HYAL4: variants seen among roughly 807,000 people sequenced by gnomAD.
HYAL4 encodes hyaluronidase 4, also known as hyaluronidase-4.
In HYAL4, 37 loss-of-function variants were observed where a neutral mutation model predicts 35.2. The ratio of observed to expected loss-of-function variants is 1.05; its 90% confidence interval spans 0.81 to 1.38. The LOEUF is 1.38. Among genes scored for constraint, HYAL4 ranks in the 40% most tolerant of loss-of-function variants. The probability of loss-of-function intolerance (pLI) is 0.00; values close to 1 mark genes in which losing one functional copy is unlikely to be tolerated. For missense variants in HYAL4, 572 were observed against 572.4 expected (o/e 1.00, Z 0.01); for synonymous variants, 198 against 203.2 (o/e 0.97, Z 0.22).
chr7:123,852,759 T>C (rs891594950), intron 2 of HYAL4, among the ~76,000 whole-genome samples: 11 of 152,190 alleles, frequency 7.2e-5, no homozygotes, highest in African/African-American at 2.7e-4. Flanking sequence ...AGTAGTTTTT[T>C]CTACTTCTGT....
At chr7:123,770,872 T>A in the HYAL4 span, among the ~76,000 whole-genome samples, 1 of 151,956 alleles carries the variant, frequency 6.6e-6, no homozygotes, top group East Asian at 1.9e-4. Flanking sequence ...TTATAGTCCG[T>A]GAAAGGCAAA....
chr7:123,780,883 A>G, the HYAL4 span, among the ~76,000 whole-genome samples: 3 of 119,752 alleles, frequency 2.5e-5, no homozygotes, highest in Admixed American at 2.7e-4. Flanking sequence ...GCTCCTTAAG[A>G]GTCATCACCA....
chr7:123,874,784 A>C lies in HYAL4; in HGVS notation c.978A>C (p.Gly326=). 1 of 1,606,150 alleles carries C rather than the reference A, an allele frequency of 6.2e-7. No homozygotes were observed. Among genetic ancestry groups the C allele is most frequent in the Non-Finnish European group, 8.5e-7 (1 of 1,172,658 alleles). ...AGCAAGATCTAGTCAGCACCATAGG[A>C]GAAAGTGCTGCCTTGGGAGCTGCAG... ...LSKQDLVSTI[G]ESAALGAAGI... Residue 326 remains glycine, a synonymous_variant, in exon 4 of 5, where the codon GGA becomes GGC. Transcript: ENST00000223026.
At chr7:123,831,559 T>C (rs906676727) in intron 1 of HYAL4, among the ~76,000 whole-genome samples, 6 of 152,228 alleles carry the variant, frequency 3.9e-5, no homozygotes, top group Non-Finnish European at 5.9e-5. Context: ...GTTTCTATTG[T>C]TATACATTTT....
At chr7:123,765,152 G>A in the HYAL4 span, among the ~76,000 whole-genome samples, 1 of 152,048 alleles carries the variant, frequency 6.6e-6, no homozygotes, top group East Asian at 1.9e-4. Flanking sequence ...TATATTTCTG[G>A]AAGTTTTTGC....
chr7:123,828,111 A>C (rs1294031650), upstream of HYAL4, among the ~76,000 whole-genome samples: 1 of 152,166 alleles, frequency 6.6e-6, no homozygotes, highest in Admixed American at 6.6e-5. Context: ...TGAAATACCC[A>C]ATGGTAGACT....
the HYAL4 span, among the ~76,000 whole-genome samples, chr7:123,763,710 A>G: frequency 6.6e-6 from 1 of 152,230 alleles, no homozygotes; most frequent in Non-Finnish European, 1.5e-5. Flanking sequence ...GGCTGCGAGG[A>G]CTGCCAGCAT....
At chr7:123,770,440 TAA>T in the HYAL4 span, among the ~76,000 whole-genome samples, 69 of 118,344 alleles carry the variant, frequency 5.8e-4, no homozygotes, top group Admixed American at 5.2e-4. Context: ...AGACTCCATC[TAA>T]AAAAAAAAAA....
the HYAL4 span, among the ~76,000 whole-genome samples, chr7:123,807,433 T>C: frequency 1.0e-5 from 1 of 99,390 alleles, no homozygotes; most frequent in East Asian, 2.6e-4. Flanking sequence ...CTTTTTATGG[T>C]TTTTTTTTTT....
upstream of HYAL4, among the ~76,000 whole-genome samples, chr7:123,828,567 C>T (rs1341858699): frequency 6.6e-6 from 1 of 151,752 alleles, no homozygotes; most frequent in Non-Finnish European, 1.5e-5. Flanking sequence ...AAAATCTGAC[C>T]TAATGTTAAA....
chr7:123,828,976 A>G (rs1308561408), upstream of HYAL4: 1 of 152,650 alleles, frequency 6.6e-6, no homozygotes, highest in Non-Finnish European at 1.5e-5. Context: ...TTATCTGTGC[A>G]GCAATCTATC....
the HYAL4 span, among the ~76,000 whole-genome samples, chr7:123,786,986 T>C: frequency 6.6e-6 from 1 of 151,214 alleles, no homozygotes; most frequent in African/African-American, 2.4e-5. Context: ...AGGGCACCTG[T>C]AATCACCGCT....
chr7:123,804,288 A>G, the HYAL4 span, among the ~76,000 whole-genome samples: 16 of 152,276 alleles, frequency 1.1e-4, no homozygotes, highest in Non-Finnish European at 2.1e-4. Flanking sequence ...CACAGGTGTA[A>G]TAATACTACA....
the HYAL4 span, among the ~76,000 whole-genome samples, chr7:123,782,846 A>G: frequency 1.3e-5 from 2 of 152,120 alleles, no homozygotes; most frequent in Admixed American, 1.3e-4. Context: ...TTCATTATTG[A>G]AACTCCCTTT....
At chr7:123,864,484 G>T (rs148922685) in intron 2 of HYAL4, among the ~76,000 whole-genome samples, 159 of 152,216 alleles carry the variant, frequency 1.0e-3, no homozygotes, top group African/African-American at 3.6e-3. Context: ...GAGCACATTT[G>T]CCTAGGCGGA....
the HYAL4 span, among the ~76,000 whole-genome samples, chr7:123,766,044 TTA>T: frequency 2.0e-5 from 3 of 152,174 alleles, no homozygotes; most frequent in Admixed American, 6.5e-5. Context: ...TGTCGTTCCA[TTA>T]TGTTACTTGT....
upstream of HYAL4, among the ~76,000 whole-genome samples, chr7:123,842,128 G>T (rs11977228): frequency 0.14 from 21,320 of 151,812 alleles, 1,971 homozygotes; most frequent in African/African-American, 0.24. Context: ...TCTGTTGTGG[G>T]CATTTAGTGC....
At chr7:123,869,935 C>T (rs932301901) in intron 3 of HYAL4, among the ~76,000 whole-genome samples, 1 of 151,856 alleles carries the variant, frequency 6.6e-6, no homozygotes, top group African/African-American at 2.4e-5. Context: ...GGTGATCCAC[C>T]CTCCTCGGCC....
chr7:123,782,484 T>G, the HYAL4 span, among the ~76,000 whole-genome samples: 1 of 152,156 alleles, frequency 6.6e-6, no homozygotes, highest in African/African-American at 2.4e-5. Flanking sequence ...GTTTTATCTC[T>G]TGGCCATATT....
Sources: allele counts gnomAD v4.1 joint callset (sites outside exome capture counted in the v4.1 genomes callset), GRCh38; gene constraint gnomAD v4.1.1; transcripts MANE v1.5; gene names NCBI Gene and HGNC (gene_info 2026-07-23, HGNC 2026-07-21).